PRPF40B: variants seen among roughly 807,000 people sequenced by gnomAD.
The protein encoded by PRPF40B is pre-mRNA processing factor 40B.
In PRPF40B, 56 loss-of-function variants were observed where a neutral mutation model predicts 124.5. That is an observed-to-expected ratio of 0.45 (90% CI 0.36 to 0.56). PRPF40B has a LOEUF of 0.56. PRPF40B is among the 20% of genes least tolerant of loss of function. PRPF40B has a pLI of 0.00. For synonymous variants in PRPF40B, 443 were observed against 426.4 expected (o/e 1.04, Z -0.48); for missense variants, 1,053 against 1,169.5 (o/e 0.90, Z 1.45).
Position 49,643,909 on chromosome 12 carries a change from A to C in PRPF40B, c.2491A>C (p.Ser831Arg). ...TDPEEKAGKE[S>R]DEKEQEQDKD... ...CCCTGAGGAGAAAGCTGGCAAGGAG[A>C]GCGATGAGAAAGAACAAGAACAGGA... The change falls in exon 25 of 26, where the codon AGC becomes CGC. Residue 831 changes from serine (S) to arginine (R), a missense_variant. Physicochemically the swap from Ser to Arg is moderately radical, Grantham distance 110. Transcript: ENST00000548825. 6.2e-7 allele frequency: 1 copy of C among 1,614,130 alleles called. No individual in the cohort carries two copies. Among genetic ancestry groups the C allele is most frequent in the Non-Finnish European group, 8.5e-7 (1 of 1,180,016 alleles).
At chr12:49,633,367 C>T in intron 7 of PRPF40B, 60 bp from the exon 8 acceptor site, 4 of 1,609,246 alleles carry the variant, frequency 2.5e-6, no homozygotes, top group Non-Finnish European at 3.4e-6. Flanking sequence ...CCCTTAGCTC[C>T]CCTGACTGGC....
intron 4 of PRPF40B, 122 bp from the exon 5 acceptor site, chr12:49,632,474 A>C: frequency 1.4e-5 from 14 of 1,022,324 alleles, no homozygotes; most frequent in South Asian, 1.6e-5. Flanking sequence ...GTTAGGGAGC[A>C]GAGATCTCTA....
At chr12:49,623,053 CTTTTTT>C (rs76184248), upstream of PRPF40B, among the ~76,000 whole-genome samples, 1 of 139,984 alleles carries the variant, frequency 7.1e-6, no homozygotes, top group Admixed American at 7.1e-5. Flanking sequence ...GGGGATTTGT[CTTTTTT>C]TTTTTTTTTT....
In PRPF40B at chr12:49,631,832, T is replaced by G. The variant is rs781088130; in HGVS notation, c.229-28T>G. 1 of 1,604,606 alleles carries G rather than the reference T, an allele frequency of 6.2e-7. No individual in the cohort carries two copies. Among genetic ancestry groups the G allele is most frequent in the Non-Finnish European group, 8.5e-7 (1 of 1,171,770 alleles). On this transcript the variant is annotated intron_variant, in intron 3 of 25. Coordinates refer to ENST00000548825, the MANE Select transcript of PRPF40B (RefSeq NM_001031698.3). The surrounding 1 kb of genome is among the most constrained non-coding windows in gnomAD (Gnocchi z 4.3). Reference sequence around the variant, plus strand: ...CCTGTTCCAGCCCTTACCTTGGTGGTTGGTTTCTGTCTTCTTTGTATCCAT... The same window carrying G: ...CCTGTTCCAGCCCTTACCTTGGTGGGTGGTTTCTGTCTTCTTTGTATCCAT...
intron 1 of PRPF40B, among the ~76,000 whole-genome samples, chr12:49,628,794 C>T (rs949879070): frequency 1.3e-5 from 2 of 151,594 alleles, no homozygotes; most frequent in East Asian, 1.9e-4. Flanking sequence ...CCTCGATCTC[C>T]TGACCTCATG....
At position 49,635,270 on chromosome 12, in the gene PRPF40B, G is replaced by T. The variant is rs750466783; in HGVS notation, c.1166+7G>T. On this transcript the variant is annotated splice_region_variant and intron_variant, in intron 13 of 25. Transcript: ENST00000548825. This position sits in a 1 kb window ranked among gnomAD's most constrained non-coding sequence, Gnocchi z 4.1. The stretch of plus-strand genomic sequence containing the variant: ...CCTCCACCACCCGCTACCGGTCAGG[G>T]GGCCAGGCTGGGCTGGGACTTGGGA... The T allele has an allele frequency of 1.2e-6, 2 of 1,611,768 alleles. No individual in the cohort carries two copies. Among genetic ancestry groups the T allele is most frequent in the Non-Finnish European group, 1.7e-6 (2 of 1,178,812 alleles).
Position 49,631,663 on chromosome 12 carries a change from C to A in PRPF40B, c.228+119C>A. On this transcript the variant is annotated intron_variant, in intron 3 of 25. Transcript: ENST00000548825. This position sits in a 1 kb window ranked among gnomAD's most constrained non-coding sequence, Gnocchi z 4.3. ...GAAGGAAGGGAGCTTTGGGCCAAAC[C>A]CATGTGGATTTGTCTGCTGAATGAC... The A allele has an allele frequency of 7.3e-7, 1 of 1,362,074 alleles. No individual in the cohort carries two copies. Among genetic ancestry groups the A allele is most frequent in the Non-Finnish European group, 1.0e-6 (1 of 975,720 alleles). 84.4% of individuals were successfully genotyped at this position (1,362,074 alleles called of 1,614,324 possible).
intron 18 of PRPF40B, chr12:49,639,697 G>A (rs1942340136): frequency 6.6e-6 from 1 of 152,100 alleles, no homozygotes; most frequent in African/African-American, 2.4e-5. Context: ...AAAAAAAAGG[G>A]AGAATTCAAC....
chr12:49,623,727 G>A lies in PRPF40B; in HGVS notation c.3+134G>A, dbSNP rs1008444340. ...CCGGGGAGGGCGAGGGAGGCCAAGG[G>A]TGAGGGAAGAGAGCCCGGGAGGGGG... On this transcript the variant is annotated intron_variant, in intron 1 of 25. Coordinates refer to ENST00000548825, the MANE Select transcript of PRPF40B (RefSeq NM_001031698.3). 3.6e-5 allele frequency: 41 copies of A among 1,132,518 alleles called. No individual in the cohort carries two copies. In the African/African-American group the frequency reaches 4.8e-4, roughly 13 times the overall value. 70.2% of individuals were successfully genotyped at this position (1,132,518 alleles called of 1,614,324 possible).
rs868573920 is a variant in PRPF40B at position 49,631,932 on chromosome 12, A to G, written c.294+7A>G. 1 of 1,613,906 alleles carries G rather than the reference A, an allele frequency of 6.2e-7. No individual in the cohort carries two copies. Among genetic ancestry groups the G allele is most frequent in the Middle Eastern group, 1.6e-4 (1 of 6,062 alleles). On this transcript the variant is annotated splice_region_variant and intron_variant, in intron 4 of 25. Transcript: ENST00000548825. This position sits in a 1 kb window ranked among gnomAD's most constrained non-coding sequence, Gnocchi z 4.3. ...GGTGCCTGTCACCGCAGCGGTAAGC[A>G]CTAGGGGCCAGCAGGTAGCAGGCTC...
Position 49,643,380 on chromosome 12 carries a change from C to G in PRPF40B, c.2363C>G (p.Ser788Cys). Residue 788 changes from serine (S) to cysteine (C), a missense_variant, in exon 23 of 26, where the codon TCC (serine) becomes TGC (cysteine). Ser to Cys is a moderately radical substitution (Grantham distance 112, BLOSUM62 -1). Transcript: ENST00000548825. Reference sequence around the variant, plus strand: ...CTTGGAGGACGGGGCTCCCCTTCCTCCCATCTTCTTGGAGCAGGTAAGCAG... The same window carrying G: ...CTTGGAGGACGGGGCTCCCCTTCCTGCCATCTTCTTGGAGCAGGTAAGCAG... ...AALGGRGSPS[S>C]HLLGADHGLR... 1 of 1,568,134 alleles carries G rather than the reference C, an allele frequency of 6.4e-7. No individual in the cohort carries two copies. Among genetic ancestry groups the G allele is most frequent in the Non-Finnish European group, 8.6e-7 (1 of 1,158,674 alleles).
At chr12:49,632,208 AT>A in intron 4 of PRPF40B, 1 of 590,976 alleles carries the variant, frequency 1.7e-6, no homozygotes, top group Non-Finnish European at 3.0e-6. Flanking sequence ...CTGTGGACAC[AT>A]GAATATAGTT....
chr12:49,631,801 G>T lies in PRPF40B; in HGVS notation c.229-59G>T. ...GTCTCAGGACCCTTTGAGGTACCCT[G>T]TCCCTCCTGTTCCAGCCCTTACCTT... On this transcript the variant is annotated intron_variant, in intron 3 of 25. Transcript: ENST00000548825. The surrounding 1 kb of genome is among the most constrained non-coding windows in gnomAD (Gnocchi z 4.3). 1 of 1,528,130 alleles carries T rather than the reference G, an allele frequency of 6.5e-7. No homozygotes were observed. Among genetic ancestry groups the T allele is most frequent in the Non-Finnish European group, 9.1e-7 (1 of 1,102,986 alleles). 94.7% of individuals were successfully genotyped at this position (1,528,130 alleles called of 1,614,324 possible).
At chr12:49,640,946 A>G (rs1285303014) in intron 18 of PRPF40B, 1 of 152,184 alleles carries the variant, frequency 6.6e-6, no homozygotes. Context: ...GGACTGTAGC[A>G]GGGTTGAGGA....
Position 49,642,482 on chromosome 12 carries a change from CTTCCT to C in PRPF40B, c.2023-94_2023-90del. 5.1e-6 allele frequency: 8 copies of C among 1,575,514 alleles called. No individual in the cohort carries two copies. The highest frequency in any genetic ancestry group is 7.0e-6 in the Non-Finnish European group (8 of 1,147,816). On this transcript the variant is annotated intron_variant, in intron 20 of 25. Transcript: ENST00000548825. This position sits in a 1 kb window ranked among gnomAD's most constrained non-coding sequence, Gnocchi z 5.8. ...ACAGCCCTGGGCCAGCTCCAGTTCC[CTTCCT>C]TTCTCTGCCCCAGCCCTGCCCTGTG...
intron 7 of PRPF40B, 125 bp downstream of exon 7, chr12:49,633,249 T>C: frequency 8.0e-7 from 1 of 1,252,062 alleles, no homozygotes; most frequent in Non-Finnish European, 1.1e-6. Flanking sequence ...TGACCATTCC[T>C]CACCCTCCCT....
At chr12:49,623,710 G>C in intron 1 of PRPF40B, 117 bp downstream of exon 1, 2 of 1,222,170 alleles carry the variant, frequency 1.6e-6, no homozygotes, top group Non-Finnish European at 1.0e-6. Flanking sequence ...CCCCGGGGAG[G>C]GCGAGGGAGG....
At chr12:49,636,125 C>T (rs1941771991) in intron 15 of PRPF40B, 132 bp downstream of exon 15, 5 of 1,148,604 alleles carry the variant, frequency 4.4e-6, no homozygotes, top group Non-Finnish European at 6.1e-6. Context: ...CAACACTCAC[C>T]CAGTCCTTGT....
At chr12:49,630,016 TGAAGA>T (rs1941071676) in intron 1 of PRPF40B, among the ~76,000 whole-genome samples, 1 of 152,166 alleles carries the variant, frequency 6.6e-6, no homozygotes. Flanking sequence ...AAGCTGGTCA[TGAAGA>T]GATGAGAATT....
Sources: gnomAD v4.1 joint callset for allele counts (sites outside exome capture counted in the v4.1 genomes callset) on GRCh38, gnomAD v4.1.1 for gene constraint, Gnocchi (gnomAD v3.1) non-coding constraint, MANE v1.5 for transcripts, NCBI Gene and HGNC (gene_info 2026-07-23, HGNC 2026-07-21) for gene names.